MSANTD3: variants seen among roughly 807,000 people sequenced by gnomAD.
The protein encoded by MSANTD3 is Myb/SANT DNA binding domain containing 3, also known as myb/SANT-like DNA-binding domain-containing protein 3.
MSANTD3 carries 11 observed loss-of-function variants against 27.7 expected under a neutral mutation model. The ratio of observed to expected loss-of-function variants is 0.40; its 90% CI spans 0.25 to 0.66. The LOEUF is 0.66. Among genes scored for constraint, MSANTD3 ranks in the 30% least tolerant of loss-of-function variants. The pLI is 0.41. For synonymous variants in MSANTD3, 131 were observed against 127.2 expected (o/e 1.03, Z -0.20); for missense variants, 250 against 336.5 (o/e 0.74, Z 2.01).
intron 2 of MSANTD3, 67 bp downstream of exon 2, chr9:100,442,423 C>T (rs2118232724): frequency 6.6e-7 from 1 of 1,515,002 alleles, no homozygotes; most frequent in East Asian, 2.3e-5. Flanking sequence ...AATTTTAAAA[C>T]CCTCCACTTT....
rs1438337223 is a variant in MSANTD3 at position 100,432,784 on chromosome 9, C to G, written c.-34+5391C>G. Among the ~76,000 whole-genome samples the G allele has an allele frequency of 2.0e-5, 3 of 152,214 alleles. No homozygotes were observed. The East Asian group carries it at 5.8e-4, about 29-fold the overall frequency. ...TTCATTCTGCTGTAATGCTCTCTTT[C>G]ATTGGCCAGTAGCTCCACCAGTCTC... On this transcript the variant is annotated intron_variant, in intron 1 of 2. Coordinates refer to ENST00000395067, the MANE Select transcript of MSANTD3 (RefSeq NM_080655.3).
intron 1 of MSANTD3, among the ~76,000 whole-genome samples, chr9:100,430,413 T>A (rs1252195910): frequency 6.6e-6 from 1 of 151,320 alleles, no homozygotes; most frequent in Non-Finnish European, 1.5e-5. Context: ...GCGTGTTGAG[T>A]TTGGTCTGGT....
At chr9:100,440,166 C>T (rs1470462321) in intron 1 of MSANTD3, among the ~76,000 whole-genome samples, 2 of 152,116 alleles carry the variant, frequency 1.3e-5, no homozygotes, top group Non-Finnish European at 2.9e-5. Context: ...CATGCTGACC[C>T]GGCACTGTAG....
In MSANTD3 at chr9:100,451,252, TGTTG is replaced by T; in HGVS notation, c.*287_*290del. The T allele has an allele frequency of 3.2e-6, 1 of 315,072 alleles. No homozygotes were observed. Among genetic ancestry groups the T allele is most frequent in the Non-Finnish European group, 5.8e-6 (1 of 172,478 alleles). The allele number at this position is 315,072 out of a possible 1,614,324, so 19.5% of individuals were successfully genotyped here. A position where few individuals can be genotyped will look rare whatever the true frequency, so the allele number is the denominator to read the frequency against. ...AAGAACCACGTGTGAGTGTTGTTGT[TGTTG>T]TTTTTTTTTTTAATCAAATGCAAGT... On this transcript the variant is annotated 3_prime_UTR_variant, in exon 3 of 3. Coordinates refer to ENST00000395067, the MANE Select transcript of MSANTD3 (RefSeq NM_080655.3).
chr9:100,443,583 A>G (rs989542900), intron 2 of MSANTD3, among the ~76,000 whole-genome samples: 4 of 152,300 alleles, frequency 2.6e-5, no homozygotes, highest in African/African-American at 9.6e-5. Context: ...ATTAACTTTA[A>G]GTTTAATATA....
chr9:100,432,187 G>C (rs74416488), intron 1 of MSANTD3, among the ~76,000 whole-genome samples: 2,042 of 152,242 alleles, frequency 0.013, 38 homozygotes, highest in African/African-American at 0.046. Context: ...GGAGTGGGTG[G>C]AAAAGTGGTA....
intron 2 of MSANTD3, 114 bp from the exon 3 acceptor site, chr9:100,450,443 A>G (rs1470953944): frequency 3.0e-6 from 3 of 992,818 alleles, no homozygotes; most frequent in African/African-American, 3.3e-5. Context: ...CAAAGCAGAC[A>G]TGATTTTAGA....
intron 1 of MSANTD3, among the ~76,000 whole-genome samples, chr9:100,439,013 C>T (rs1038591416): frequency 1.3e-5 from 2 of 152,122 alleles, no homozygotes; most frequent in African/African-American, 4.8e-5. Context: ...GACATGTGTC[C>T]GAACCTCCCA....
At chr9:100,432,158 C>T (rs1564246569) in intron 1 of MSANTD3, among the ~76,000 whole-genome samples, 1 of 152,100 alleles carries the variant, frequency 6.6e-6, no homozygotes, top group African/African-American at 2.4e-5. Context: ...ATAAACACTT[C>T]CAAGTTACAT....
chr9:100,427,941 G>A (rs1043768817), intron 1 of MSANTD3, among the ~76,000 whole-genome samples: 1 of 152,132 alleles, frequency 6.6e-6, no homozygotes. Context: ...AATTAGAGGC[G>A]GGGGTCGGGG....
At chr9:100,432,118 C>T (rs965305415) in intron 1 of MSANTD3, among the ~76,000 whole-genome samples, 1 of 152,116 alleles carries the variant, frequency 6.6e-6, no homozygotes, top group Non-Finnish European at 1.5e-5. Context: ...TCTGCATGCA[C>T]ACAGTCACAC....
chr9:100,431,832 G>A lies in MSANTD3; in HGVS notation c.-34+4439G>A, dbSNP rs76932802. On this transcript the variant is annotated intron_variant, in intron 1 of 2. Transcript: ENST00000395067. ...GCCGATGGTTGTAGCTGAGGTGGTG[G>A]GAGTGGAGGAGAGTGTATTCAGTAG... 5.4e-3 allele frequency among the ~76,000 whole-genome samples: 817 copies of A among 152,296 alleles called. 7 individuals carry two copies. Among genetic ancestry groups the A allele is most frequent in the African/African-American group, 0.018 (768 of 41,558 alleles).
At chr9:100,430,474 C>T (rs1295755099) in intron 1 of MSANTD3, among the ~76,000 whole-genome samples, 2 of 152,028 alleles carry the variant, frequency 1.3e-5, no homozygotes, top group East Asian at 1.9e-4. Context: ...GTGCTATAAT[C>T]AGGACCAGAT....
In MSANTD3 at chr9:100,450,792, G is replaced by A. The variant is rs753287043; in HGVS notation, c.654G>A (p.Val218=). 3.1e-6 allele frequency: 5 copies of A among 1,614,036 alleles called. No homozygotes were observed. The highest frequency in any genetic ancestry group is 3.3e-5 in the Admixed American group (2 of 59,998). The change falls in exon 3 of 3, where the codon GTG becomes GTA. Residue 218 remains valine, a synonymous_variant. Coordinates refer to ENST00000395067, the MANE Select transcript of MSANTD3 (RefSeq NM_080655.3). ...TGCAACTGATACAAATGAATGAGGT[G>A]CATGTGGCCAAAATCCAGCAGATAG... is the stretch of plus-strand genomic sequence containing the variant. The part of the protein sequence containing the change: ...LQLQLIQMNE[V]HVAKIQQIER...
chr9:100,441,706 C>T (rs965982113), intron 1 of MSANTD3, among the ~76,000 whole-genome samples, 200 bp from the exon 2 acceptor site: 8 of 152,184 alleles, frequency 5.3e-5, no homozygotes, highest in African/African-American at 1.9e-4. Flanking sequence ...ATAGCCACAA[C>T]AATCCACTTT....
chr9:100,438,302 G>GTGCA (rs1482789481), intron 1 of MSANTD3, among the ~76,000 whole-genome samples: 1 of 152,192 alleles, frequency 6.6e-6, no homozygotes, highest in African/African-American at 2.4e-5. Flanking sequence ...AATGTAATTG[G>GTGCA]TGCAACATTT....
At chr9:100,447,723 C>G (rs1410243240) in intron 2 of MSANTD3, among the ~76,000 whole-genome samples, 4 of 152,142 alleles carry the variant, frequency 2.6e-5, no homozygotes, top group Admixed American at 6.5e-5. Context: ...ATTTGGTTTT[C>G]TATAATAATA....
chr9:100,438,749 A>G (rs955975092), intron 1 of MSANTD3, among the ~76,000 whole-genome samples: 1 of 152,220 alleles, frequency 6.6e-6, no homozygotes, highest in African/African-American at 2.4e-5. Context: ...GAAGAGAGAT[A>G]TTGTACAGGG....
Position 100,450,908 on chromosome 9 carries a change from C to A in MSANTD3, c.770C>A (p.Thr257Asn), listed in dbSNP as rs1836869630. 6.2e-7 allele frequency: 1 copy of A among 1,612,422 alleles called. No individual in the cohort carries two copies. The highest frequency in any genetic ancestry group is 1.3e-5 in the African/African-American group (1 of 74,984). ...KKMYWERKLQ[T>N]FTKEWPVSSF... ...ATGTATTGGGAAAGAAAACTACAAA[C>A]TTTTACCAAGGAATGGCCTGTTTCC... The change falls in exon 3 of 3, where the codon ACT becomes AAT. Residue 257 changes from threonine to asparagine, a missense_variant. By Grantham distance (65) the Thr-to-Asn change is moderately conservative (BLOSUM62 0). This residue lies in a region of MSANTD3 where 235 missense variants were observed against 299.3 expected (regional missense o/e 0.79). Transcript: ENST00000395067.
Sources: allele counts gnomAD v4.1 joint callset (sites outside exome capture counted in the v4.1 genomes callset), GRCh38; gene constraint gnomAD v4.1.1; regional missense constraint gnomAD v4.1.1; transcripts MANE v1.5; gene names NCBI Gene and HGNC (gene_info 2026-07-23, HGNC 2026-07-21).